The following BIRC6 variants were observed in gnomAD, a reference collection of about 807,000 sequenced individuals.
BIRC6 encodes the protein baculoviral IAP repeat containing 6.
A neutral mutation model predicts 503.3 loss-of-function variants in BIRC6; 98 were observed. That is an observed-to-expected ratio of 0.19 (90% CI 0.17 to 0.23). The LOEUF (loss-of-function observed/expected upper bound fraction) is 0.23, where lower values mean the gene tolerates loss of function less well. Among genes scored for constraint, BIRC6 ranks in the 10% least tolerant of loss-of-function variants. BIRC6 has a pLI of 1.00. For missense variants in BIRC6, 5,360 were observed against 5,806.0 expected (o/e 0.92, Z 2.50); for synonymous variants, 2,240 against 2,078.7 (o/e 1.08, Z -2.11).
chr2:32,466,203 T>C (rs2048522124), intron 26 of BIRC6, among the ~76,000 whole-genome samples: 1 of 152,220 alleles, frequency 6.6e-6, no homozygotes, highest in African/African-American at 2.4e-5. Context: ...GTTGTTTTCC[T>C]TCACTATAAA....
chr2:32,395,078 G>A (rs1392051983), intron 5 of BIRC6, among the ~76,000 whole-genome samples: 1 of 152,134 alleles, frequency 6.6e-6, no homozygotes, highest in African/African-American at 2.4e-5. Context: ...CTTGAACCCG[G>A]GGAGGTGGAG....
chr2:32,559,313 G>A (rs2058994324), intron 65 of BIRC6, among the ~76,000 whole-genome samples: 2 of 152,312 alleles, frequency 1.3e-5, no homozygotes, highest in South Asian at 4.1e-4. Flanking sequence ...CATGCATTTG[G>A]TGCTTGCTGA....
In BIRC6 at chr2:32,502,807, A is replaced by G. The variant is rs922615909; in HGVS notation, c.9220A>G (p.Thr3074Ala). ...GYMGRQGSLA[T>A]CQLSEPLLWF... ...TTTCATTTTTTAGGGCTCTCTTGCT[A>G]CTTGCCAGTTATCTGAGCCATTATT... Residue 3074 changes from threonine to alanine, a missense_variant, in exon 48 of 74, where the codon ACT becomes GCT. Transcript: ENST00000421745. 3.7e-6 allele frequency: 6 copies of G among 1,611,632 alleles called. No homozygotes were observed. Among genetic ancestry groups the G allele is most frequent in the Non-Finnish European group, 5.1e-6 (6 of 1,179,054 alleles).
At chr2:32,530,895 G>C in intron 60 of BIRC6, among the ~76,000 whole-genome samples, 1 of 152,182 alleles carries the variant, frequency 6.6e-6, no homozygotes, top group East Asian at 1.9e-4. Context: ...ATAATTTTTT[G>C]TTTTAAGTAA....
chr2:32,371,286 C>T (rs1438891177), intron 1 of BIRC6, among the ~76,000 whole-genome samples: 1 of 145,874 alleles, frequency 6.9e-6, no homozygotes, highest in African/African-American at 2.5e-5. Context: ...GGATGTTAGA[C>T]AGACTAAGGA....
chr2:32,598,002 A>T, intron 69 of BIRC6, 34 bp downstream of exon 69: 1 of 1,533,248 alleles, frequency 6.5e-7, no homozygotes, highest in East Asian at 2.3e-5. Context: ...ACTCTCCCTT[A>T]TCTCCTTGGC....
At chr2:32,531,911 A>G (rs954924971) in intron 61 of BIRC6, among the ~76,000 whole-genome samples, 5 of 152,012 alleles carry the variant, frequency 3.3e-5, no homozygotes, top group Admixed American at 2.6e-4. Context: ...TGCCACCAAT[A>G]TATGTCTTTT....
intron 45 of BIRC6, 127 bp downstream of exon 45, chr2:32,493,794 G>A (rs1432470149): frequency 1.3e-5 from 9 of 700,310 alleles, no homozygotes; most frequent in Non-Finnish European, 2.1e-5. Flanking sequence ...TAGTAATTAA[G>A]GGGGAAGGAT....
At chr2:32,534,749 AAAAAAAAAAAT>A (rs1305376529) in intron 61 of BIRC6, among the ~76,000 whole-genome samples, 1 of 147,270 alleles carries the variant, frequency 6.8e-6, no homozygotes, top group African/African-American at 2.5e-5. Flanking sequence ...AAAAAAAAAA[AAAAAAAAAAAT>A]GGTTCAAATG....
chr2:32,546,081 T>C (rs542076166), intron 63 of BIRC6, among the ~76,000 whole-genome samples: 2 of 152,284 alleles, frequency 1.3e-5, no homozygotes, highest in East Asian at 3.9e-4. Context: ...AGAAAAGATT[T>C]AAGCGCTTAA....
chr2:32,401,432 A>G (rs1287347386), intron 7 of BIRC6, 31 bp from the exon 8 acceptor site: 3 of 1,612,104 alleles, frequency 1.9e-6, no homozygotes, highest in East Asian at 4.5e-5. Flanking sequence ...AAAAAAGATC[A>G]GTTGTAAACT....
At chr2:32,514,735 A>C (rs2054833801) in intron 54 of BIRC6, among the ~76,000 whole-genome samples, 1 of 152,204 alleles carries the variant, frequency 6.6e-6, no homozygotes, top group Non-Finnish European at 1.5e-5. Context: ...CCATTTTAAA[A>C]TAATTTACTT....
intron 61 of BIRC6, among the ~76,000 whole-genome samples, chr2:32,539,610 A>G (rs562860945): frequency 6.6e-6 from 1 of 152,324 alleles, no homozygotes; most frequent in African/African-American, 2.4e-5. Context: ...AATAGATACT[A>G]CAAGATATTT....
At chr2:32,574,160 C>CGTTT (rs2060099286) in intron 65 of BIRC6, among the ~76,000 whole-genome samples, 2 of 124,684 alleles carry the variant, frequency 1.6e-5, no homozygotes, top group Non-Finnish European at 3.3e-5. Flanking sequence ...ATAACTTTTT[C>CGTTT]TTTTTTTTTT....
intron 34 of BIRC6, among the ~76,000 whole-genome samples, chr2:32,476,582 G>A (rs1252077943): frequency 6.6e-6 from 1 of 152,138 alleles, no homozygotes; most frequent in Non-Finnish European, 1.5e-5. Flanking sequence ...TGAAGATAAA[G>A]GATAGTGGAA....
chr2:32,424,390 T>A (rs1251490120), intron 10 of BIRC6, among the ~76,000 whole-genome samples: 1 of 152,160 alleles, frequency 6.6e-6, no homozygotes, highest in Admixed American at 6.5e-5. Flanking sequence ...TGTTTCCACA[T>A]TTTGGCTATT....
chr2:32,569,893 C>G (rs1056858328), intron 65 of BIRC6, among the ~76,000 whole-genome samples: 1 of 151,622 alleles, frequency 6.6e-6, no homozygotes, highest in Non-Finnish European at 1.5e-5. Flanking sequence ...TGACTTCCTG[C>G]TTTTTGAGTT....
intron 59 of BIRC6, chr2:32,528,181 C>G (rs753922995): frequency 2.0e-5 from 3 of 151,930 alleles, no homozygotes; most frequent in African/African-American, 7.3e-5. Flanking sequence ...AACACAGCAT[C>G]ATAGGTGAAG....
At chr2:32,566,969 C>T (rs1434125289) in intron 65 of BIRC6, among the ~76,000 whole-genome samples, 1 of 152,042 alleles carries the variant, frequency 6.6e-6, no homozygotes, top group Non-Finnish European at 1.5e-5. Flanking sequence ...TCTTTTCCCA[C>T]TTCTTTTTTT....
Sources: allele counts gnomAD v4.1 joint callset (sites outside exome capture counted in the v4.1 genomes callset), GRCh38; gene constraint gnomAD v4.1.1; transcripts MANE v1.5; gene names NCBI Gene and HGNC (gene_info 2026-07-23, HGNC 2026-07-21).